Variants in KAT6B observed in about 807,000 individuals in gnomAD.
KAT6B encodes the protein lysine acetyltransferase 6B.
A neutral mutation model predicts 187.5 loss-of-function variants in KAT6B; 10 were observed. The observed-to-expected ratio is 0.05, with a 90% CI of 0.03 to 0.09. The LOEUF (loss-of-function observed/expected upper bound fraction) is 0.09. Ranked by LOEUF, KAT6B falls within the 10% of genes least tolerant of loss-of-function variation. The probability of loss-of-function intolerance (pLI) is 1.00; values close to 1 mark genes in which losing one functional copy is unlikely to be tolerated. For missense variants in KAT6B, 1,952 were observed against 2,558.9 expected (o/e 0.76, Z 5.12); for synonymous variants, 861 against 926.8 (o/e 0.93, Z 1.29).
intron 1 of KAT6B, among the ~76,000 whole-genome samples, chr10:74,834,663 A>G (rs1241006315): frequency 6.6e-6 from 1 of 152,136 alleles, no homozygotes; most frequent in Non-Finnish European, 1.5e-5. Flanking sequence ...CTGGGTCTAC[A>G]GGTGTACACC....
chr10:74,829,578 G>C (rs1003535576), intron 1 of KAT6B, among the ~76,000 whole-genome samples: 1 of 151,518 alleles, frequency 6.6e-6, no homozygotes, highest in Non-Finnish European at 1.5e-5. Flanking sequence ...TCAGCTTCCC[G>C]GGTAGCTAGG....
chr10:74,851,356 A>T (rs1362701713), intron 3 of KAT6B, among the ~76,000 whole-genome samples: 1 of 124,698 alleles, frequency 8.0e-6, no homozygotes, highest in African/African-American at 3.2e-5. Context: ...TTTTTTGGAG[A>T]TGGAGTCTTG....
At chr10:74,961,200 CT>C (rs1171877622) in intron 4 of KAT6B, among the ~76,000 whole-genome samples, 1 of 152,158 alleles carries the variant, frequency 6.6e-6, no homozygotes, top group Non-Finnish European at 1.5e-5. Flanking sequence ...GAAACATTAT[CT>C]GTACGTTCAG....
rs1348809476 is a variant in KAT6B at position 74,979,984 on chromosome 10, C to G, written c.2231+645C>G. 5.9e-5 allele frequency among the ~76,000 whole-genome samples: 9 copies of G among 152,258 alleles called. No individual in the cohort carries two copies. The East Asian group carries it at 1.7e-3, about 29-fold the overall frequency. On this transcript the variant is annotated intron_variant, in intron 10 of 17. Transcript: ENST00000287239. ...GACCAGCCTGGCCAACATGGCAAAA[C>G]CCCATCTCTACTAAAAATACAAAAA...
At chr10:74,843,597 C>T in intron 3 of KAT6B, 119 bp downstream of exon 3, 1 of 1,283,330 alleles carries the variant, frequency 7.8e-7, no homozygotes, top group Non-Finnish European at 1.1e-6. Flanking sequence ...GAATGTTTTG[C>T]CTTAGAGCAG....
intron 11 of KAT6B, 65 bp downstream of exon 11, chr10:74,981,993 T>C: frequency 7.0e-7 from 1 of 1,429,990 alleles, no homozygotes; most frequent in South Asian, 1.2e-5. Context: ...GTTGACTATG[T>C]GCTGATTTGT....
intron 3 of KAT6B, among the ~76,000 whole-genome samples, chr10:74,923,653 C>A (rs1364414488): frequency 6.6e-6 from 1 of 152,142 alleles, no homozygotes; most frequent in African/African-American, 2.4e-5. Context: ...GAGCCCTTGA[C>A]ATGTCTGAGA....
intron 15 of KAT6B, among the ~76,000 whole-genome samples, 197 bp from the exon 16 acceptor site, chr10:75,021,684 T>G (rs1177313517): frequency 6.6e-6 from 1 of 152,154 alleles, no homozygotes; most frequent in African/African-American, 2.4e-5. Flanking sequence ...CTGTTAAATA[T>G]CCCATGAAAC....
At chr10:74,843,559 A>G in intron 3 of KAT6B, 81 bp downstream of exon 3, 3 of 1,523,452 alleles carry the variant, frequency 2.0e-6, no homozygotes, top group South Asian at 1.1e-5. Context: ...TATGTGGACA[A>G]AAGTTCTGAA....
intron 2 of KAT6B, among the ~76,000 whole-genome samples, 198 bp from the exon 3 acceptor site, chr10:74,842,402 T>C (rs1841812646): frequency 6.6e-6 from 1 of 152,194 alleles, no homozygotes; most frequent in Admixed American, 6.5e-5. Flanking sequence ...AGTGAAACAT[T>C]CTAAAAACAA....
chr10:74,959,341 ATAATT>A (rs1840928312), intron 3 of KAT6B, among the ~76,000 whole-genome samples: 1 of 152,236 alleles, frequency 6.6e-6, no homozygotes, highest in African/African-American at 2.4e-5. Flanking sequence ...TGCTGAACGA[ATAATT>A]TATTTTAAGC....
In KAT6B at chr10:75,032,505, C is replaced by G. The variant is rs886047256; in HGVS notation, c.*1459C>G. Reference sequence around the variant, plus strand: ...TAAAACCATCACATATACCAAATACCTATTTAATAAATTAATTTATAATGG... The same window carrying G: ...TAAAACCATCACATATACCAAATACGTATTTAATAAATTAATTTATAATGG... On this transcript the variant is annotated 3_prime_UTR_variant, in exon 18 of 18. Coordinates refer to ENST00000287239, the MANE Select transcript of KAT6B (RefSeq NM_012330.4). The G allele has an allele frequency of 5.5e-6, 1 of 182,694 alleles. No individual in the cohort carries two copies. The highest frequency in any genetic ancestry group is 6.3e-5 in the Admixed American group (1 of 15,974). 11.3% of individuals were successfully genotyped at this position (182,694 alleles called of 1,614,324 possible). A position where few individuals can be genotyped will look rare whatever the true frequency, so the allele number is the denominator to read the frequency against.
chr10:74,945,716 CTGGGATTA>C lies in KAT6B; in HGVS notation c.622-14253_622-14246del, dbSNP rs1257280994. ...CCGCCCGCCTCAGCCTCCCAAAGTG[CTGGGATTA>C]CAGGCATGAGCCACTGTGCCCGCCG... On this transcript the variant is annotated intron_variant, in intron 3 of 17. Transcript: ENST00000287239. Among the ~76,000 whole-genome samples the C allele has an allele frequency of 3.3e-4, 50 of 152,290 alleles. 1 individual carries two copies. Among genetic ancestry groups the C allele is most frequent in the African/African-American group, 1.1e-3 (47 of 41,566 alleles).
intron 3 of KAT6B, among the ~76,000 whole-genome samples, chr10:74,956,656 A>G (rs1309618707): frequency 2.0e-5 from 3 of 152,206 alleles, no homozygotes; most frequent in Non-Finnish European, 4.4e-5. Context: ...TGCAACCTTA[A>G]AAATGTTACT....
At chr10:74,881,698 G>C (rs1455438398) in intron 3 of KAT6B, among the ~76,000 whole-genome samples, 1 of 152,058 alleles carries the variant, frequency 6.6e-6, no homozygotes, top group East Asian at 1.9e-4. Flanking sequence ...GTGTTGCCCA[G>C]GCTGGAGTGC....
chr10:74,952,928 G>C (rs895727056), intron 3 of KAT6B, among the ~76,000 whole-genome samples: 2 of 139,214 alleles, frequency 1.4e-5, no homozygotes, highest in African/African-American at 5.4e-5. Context: ...TCGAACTCCT[G>C]ACCTCAGGTG....
At position 75,030,202 on chromosome 10, in the gene KAT6B, G is replaced by A; in HGVS notation, c.5378G>A (p.Gly1793Asp). ...CCCGAGACGAGCAACGCCAACATTG[G>A]CTTATACGAGCGAATGGGTCAGAGT... ...EIPETSNANI[G>D]LYERMGQSDF... The change falls in exon 18 of 18, where the codon GGC becomes GAC. Residue 1793 changes from glycine (G) to aspartate (D), a missense_variant. This residue lies in a region of KAT6B where 358 missense variants were observed against 436.3 expected (regional missense o/e 0.82). Coordinates refer to ENST00000287239, the MANE Select transcript of KAT6B (RefSeq NM_012330.4). This position sits in a 1 kb window ranked among gnomAD's most constrained non-coding sequence, Gnocchi z 4.8. The A allele has an allele frequency of 6.2e-7, 1 of 1,614,234 alleles. No homozygotes were observed. The highest frequency in any genetic ancestry group is 8.5e-7 in the Non-Finnish European group (1 of 1,180,048).
At chr10:74,972,070 A>G (rs1420782552) in intron 6 of KAT6B, among the ~76,000 whole-genome samples, 2 of 152,124 alleles carry the variant, frequency 1.3e-5, no homozygotes, top group African/African-American at 2.4e-5. Context: ...TTTTAAAATT[A>G]TATTTTATAC....
intron 3 of KAT6B, among the ~76,000 whole-genome samples, chr10:74,953,849 T>C (rs991967456): frequency 1.3e-5 from 2 of 152,244 alleles, no homozygotes; most frequent in Non-Finnish European, 2.9e-5. Flanking sequence ...CTAACAAATA[T>C]ATAGTTTCCT....
Sources: allele counts gnomAD v4.1 joint callset (sites outside exome capture counted in the v4.1 genomes callset), GRCh38; gene constraint gnomAD v4.1.1; regional missense constraint gnomAD v4.1.1; non-coding constraint Gnocchi (gnomAD v3.1); transcripts MANE v1.5; gene names NCBI Gene and HGNC (gene_info 2026-07-23, HGNC 2026-07-21).